Variants in SGCZ observed in about 807,000 individuals in gnomAD.
SGCZ encodes zeta-sarcoglycan.
Under a neutral mutation model 41.3 loss-of-function variants are expected in SGCZ, and 40 were observed. That is an observed-to-expected ratio of 0.97 (90% confidence interval 0.75 to 1.26). The LOEUF (loss-of-function observed/expected upper bound fraction) is 1.26, where lower values mean the gene tolerates loss of function less well. Ranked by LOEUF, SGCZ falls within the 50% of genes most tolerant of loss-of-function variation. The pLI is 0.00. For synonymous variants in SGCZ, 206 were observed against 137.5 expected (o/e 1.50, Z -3.49); for missense variants, 552 against 369.8 (o/e 1.49, Z -4.04).
At chr8:14,839,008 C>CTGGA (rs1802806143) in intron 1 of SGCZ, among the ~76,000 whole-genome samples, 1 of 151,996 alleles carries the variant, frequency 6.6e-6, no homozygotes, top group African/African-American at 2.4e-5. Context: ...AAAGAAAGAC[C>CTGGA]TGGAGGGTCT....
At chr8:14,992,575 T>A (rs775874090) in intron 1 of SGCZ, among the ~76,000 whole-genome samples, 1 of 150,904 alleles carries the variant, frequency 6.6e-6, no homozygotes, top group Non-Finnish European at 1.5e-5. Context: ...CCCTCACCCA[T>A]CCTCCTCATC....
chr8:14,607,168 A>T (rs1199141679), intron 1 of SGCZ, among the ~76,000 whole-genome samples: 1 of 152,158 alleles, frequency 6.6e-6, no homozygotes, highest in Non-Finnish European at 1.5e-5. Flanking sequence ...GATTGAACAA[A>T]ACCATAAATT....
chr8:14,101,803 T>G (rs1802030100), intron 7 of SGCZ, among the ~76,000 whole-genome samples: 1 of 151,982 alleles, frequency 6.6e-6, no homozygotes, highest in Non-Finnish European at 1.5e-5. Flanking sequence ...CTGTCGTTAT[T>G]CTTCTCAAAT....
At position 14,873,073 on chromosome 8, in the gene SGCZ, A is replaced by G. The variant is rs553883851; in HGVS notation, c.40-318147T>C. On this transcript the variant is annotated intron_variant, in intron 1 of 7. Transcript: ENST00000382080. ...TTAGAAGGAGTCAGGTTTTGGTTAAATGTAATAGAAACGATTTTAATAACA... is the reference window on the plus strand; with the variant it reads ...TTAGAAGGAGTCAGGTTTTGGTTAAGTGTAATAGAAACGATTTTAATAACA... Among the ~76,000 whole-genome samples the G allele has an allele frequency of 1.6e-4, 25 of 152,282 alleles. No homozygotes were observed. The South Asian group carries it at 5.2e-3, about 32-fold the overall frequency.
intron 1 of SGCZ, among the ~76,000 whole-genome samples, chr8:14,745,981 A>G (rs1799329670): frequency 6.6e-6 from 1 of 152,144 alleles, no homozygotes; most frequent in African/African-American, 2.4e-5. Context: ...TGTAAGTTAC[A>G]GATAAGTGCA....
chr8:15,041,831 T>C (rs1364936633), intron 1 of SGCZ, among the ~76,000 whole-genome samples: 1 of 152,134 alleles, frequency 6.6e-6, no homozygotes, highest in East Asian at 1.9e-4. Context: ...ATATAACATA[T>C]TAACTTACTA....
In SGCZ at chr8:14,731,062, T is replaced by C. The variant is rs557828522; in HGVS notation, c.40-176136A>G. On this transcript the variant is annotated intron_variant, in intron 1 of 7. Coordinates refer to ENST00000382080, the MANE Select transcript of SGCZ (RefSeq NM_139167.4). ...ATATACCCAAAGGATGATAAATAAT[T>C]CTACCATAAACACACATGCACAAGT... 3.5e-4 allele frequency among the ~76,000 whole-genome samples: 53 copies of C among 151,764 alleles called. 1 individual carries two copies. The highest frequency in any genetic ancestry group is 2.1e-3 in the Admixed American group (32 of 15,236).
At chr8:14,659,311 C>G (rs2117478096) in intron 1 of SGCZ, among the ~76,000 whole-genome samples, 1 of 152,232 alleles carries the variant, frequency 6.6e-6, no homozygotes, top group Non-Finnish European at 1.5e-5. Context: ...TTGATCATCA[C>G]ACAATGAATA....
At chr8:14,876,652 T>C (rs1402003238) in intron 1 of SGCZ, among the ~76,000 whole-genome samples, 1 of 152,194 alleles carries the variant, frequency 6.6e-6, no homozygotes, top group African/African-American at 2.4e-5. Flanking sequence ...AGTAACTTTT[T>C]TAAATGGTAC....
At position 14,150,354 on chromosome 8, in the gene SGCZ, T is replaced by A. The variant is rs1285676038; in HGVS notation, c.547+14226A>T. ...TATAGGAAAATGTCTAAAAATTCAATCAAAAAATGGGCAAAAGAATAGATA... is the reference window on the plus strand; with the variant it reads ...TATAGGAAAATGTCTAAAAATTCAAACAAAAAATGGGCAAAAGAATAGATA... On this transcript the variant is annotated intron_variant, in intron 5 of 7. Transcript: ENST00000382080. Among the ~76,000 whole-genome samples the A allele has an allele frequency of 4.0e-5, 6 of 151,754 alleles. No individual in the cohort carries two copies. The South Asian group carries it at 1.2e-3, about 32-fold the overall frequency.
intron 2 of SGCZ, among the ~76,000 whole-genome samples, chr8:14,327,934 C>T (rs1802182203): frequency 6.6e-6 from 1 of 152,144 alleles, no homozygotes; most frequent in Non-Finnish European, 1.5e-5. Flanking sequence ...GTGTGCACTG[C>T]CACGCCCAGA....
chr8:15,091,260 T>C (rs2131062987), intron 1 of SGCZ, among the ~76,000 whole-genome samples: 1 of 152,238 alleles, frequency 6.6e-6, no homozygotes, highest in East Asian at 1.9e-4. Flanking sequence ...GCTCAAGTGG[T>C]CCTCCCAACT....
chr8:14,268,409 G>A (rs1015617639), intron 3 of SGCZ, among the ~76,000 whole-genome samples: 1 of 150,318 alleles, frequency 6.7e-6, no homozygotes, highest in African/African-American at 2.4e-5. Context: ...TACCATTTTT[G>A]CCTCTGACTT....
intron 1 of SGCZ, among the ~76,000 whole-genome samples, chr8:14,633,468 C>T (rs969157727): frequency 4.6e-5 from 7 of 151,816 alleles, no homozygotes; most frequent in Non-Finnish European, 7.4e-5. Flanking sequence ...GTTATTTCAG[C>T]AAAATAAATA....
chr8:15,143,101 G>C (rs1798941004), intron 1 of SGCZ, among the ~76,000 whole-genome samples: 1 of 152,134 alleles, frequency 6.6e-6, no homozygotes, highest in African/African-American at 2.4e-5. Flanking sequence ...TGGCTATCTA[G>C]CAATACCATA....
chr8:15,174,523 A>G (rs1799941351), intron 1 of SGCZ, among the ~76,000 whole-genome samples: 1 of 152,228 alleles, frequency 6.6e-6, no homozygotes, highest in South Asian at 2.1e-4. Context: ...TTTATGTAAT[A>G]TAAATATACC....
chr8:14,820,412 A>G (rs1423490664), intron 1 of SGCZ, among the ~76,000 whole-genome samples: 1 of 152,096 alleles, frequency 6.6e-6, no homozygotes, highest in East Asian at 1.9e-4. Context: ...ATAATAGTAT[A>G]GGACTTGAGT....
intron 2 of SGCZ, among the ~76,000 whole-genome samples, chr8:14,434,941 G>C (rs913987345): frequency 7.9e-5 from 12 of 151,934 alleles, no homozygotes; most frequent in African/African-American, 2.9e-4. Context: ...ACATCTTTTG[G>C]GGAGTTGATC....
At chr8:15,191,976 T>G (rs1032454380) in intron 1 of SGCZ, among the ~76,000 whole-genome samples, 1 of 152,108 alleles carries the variant, frequency 6.6e-6, no homozygotes, top group African/African-American at 2.4e-5. Context: ...TTTTCTCACC[T>G]GTAAAAATTG....
Sources: gnomAD v4.1 joint callset for allele counts (sites outside exome capture counted in the v4.1 genomes callset) on GRCh38, gnomAD v4.1.1 for gene constraint, MANE v1.5 for transcripts, NCBI Gene and HGNC (gene_info 2026-07-23, HGNC 2026-07-21) for gene names.